The following KRT80 variants were observed in gnomAD, a reference collection of about 807,000 sequenced individuals.
KRT80 encodes keratin 80.
KRT80 carries 36 observed loss-of-function variants against 51.5 expected under a neutral mutation model. That is an observed-to-expected ratio of 0.70 (90% confidence interval 0.54 to 0.92). The LOEUF (loss-of-function observed/expected upper bound fraction) is 0.92. Ranked by LOEUF, KRT80 falls within the 40% of genes least tolerant of loss-of-function variation. KRT80 has a pLI of 0.00. For synonymous variants in KRT80, 235 were observed against 248.3 expected, an observed-to-expected ratio of 0.95 and a Z score of 0.50; for missense variants, 566 against 591.7, an observed-to-expected ratio of 0.96 and a Z score of 0.45.
At chr12:52,171,594 G>A (rs781557498) in intron 8 of KRT80, 64 bp downstream of exon 8, 54 of 1,610,984 alleles carry the variant, frequency 3.4e-5, no homozygotes, top group Non-Finnish European at 4.2e-5. Flanking sequence ...GATGCCTTTA[G>A]GATCATGATC....
chr12:52,172,559 G>C (rs969832161), intron 6 of KRT80, 141 bp from the exon 7 acceptor site: 1 of 738,524 alleles, frequency 1.4e-6, no homozygotes, highest in Non-Finnish European at 2.2e-6. Context: ...TGTGGTAACT[G>C]GTTGCCATGC....
chr12:52,172,452 G>A, intron 6 of KRT80, 34 bp from the exon 7 acceptor site: 2 of 1,583,132 alleles, frequency 1.3e-6, no homozygotes, highest in Non-Finnish European at 1.7e-6. Flanking sequence ...AAGGGCCTGT[G>A]AGCAGGGGAA....
chr12:52,185,163 G>T (rs1308257171), intron 2 of KRT80, among the ~76,000 whole-genome samples: 1 of 152,218 alleles, frequency 6.6e-6, no homozygotes, highest in Non-Finnish European at 1.5e-5. Flanking sequence ...TTTGTTTTAA[G>T]GGTTGCTATT....
At chr12:52,184,844 C>T (rs923806962) in intron 2 of KRT80, among the ~76,000 whole-genome samples, 5 of 152,228 alleles carry the variant, frequency 3.3e-5, no homozygotes, top group African/African-American at 1.2e-4. Context: ...TCCAAGTCTA[C>T]CTTGATGTCT....
intron 1 of KRT80, among the ~76,000 whole-genome samples, chr12:52,191,071 C>T (rs1289588440): frequency 6.6e-6 from 1 of 152,212 alleles, no homozygotes; most frequent in Non-Finnish European, 1.5e-5. Flanking sequence ...TGCACCCTCA[C>T]TTGCAGCAGT....
intron 2 of KRT80, among the ~76,000 whole-genome samples, chr12:52,185,088 G>A (rs759383748): frequency 6.6e-5 from 10 of 152,202 alleles, no homozygotes; most frequent in Non-Finnish European, 1.3e-4. Flanking sequence ...CAGGGGGTGC[G>A]GGTTATGATG....
intron 7 of KRT80, 91 bp downstream of exon 7, chr12:52,172,107 A>G: frequency 7.1e-7 from 1 of 1,407,602 alleles, no homozygotes; most frequent in South Asian, 1.3e-5. Flanking sequence ...GGCTCACTGT[A>G]TCATATTGGA....
intron 1 of KRT80, among the ~76,000 whole-genome samples, chr12:52,189,766 G>A (rs1283604641): frequency 1.3e-5 from 2 of 152,232 alleles, no homozygotes; most frequent in East Asian, 3.9e-4. Flanking sequence ...CCATCTCAAG[G>A]TCAAGGCTAA....
chr12:52,172,093 G>T (rs1474946824), intron 7 of KRT80, 105 bp downstream of exon 7: 11 of 1,271,146 alleles, frequency 8.7e-6, no homozygotes, highest in Non-Finnish European at 1.2e-5. Flanking sequence ...ACCCAGGCCT[G>T]GTAGGCTCAC....
rs1941166656 is a variant in KRT80, at chr12:52,173,807, G to T, written c.667-43C>A. The T allele has an allele frequency of 2.5e-6, 4 of 1,588,320 alleles. No homozygotes were observed. The African/African-American group carries it at 4.0e-5, about 16-fold the overall frequency. Reference sequence around the variant, plus strand: ...TGGGGGCTCAGGGCTGGTGGGGAGGGCACAAGGACCCTCAGCCCCACACAG... The same window carrying T: ...TGGGGGCTCAGGGCTGGTGGGGAGGTCACAAGGACCCTCAGCCCCACACAG... On this transcript the variant is annotated intron_variant, in intron 4 of 8. Coordinates refer to ENST00000394815, the MANE Select transcript of KRT80 (RefSeq NM_182507.3).
chr12:52,175,095 C>T (rs560577441), intron 4 of KRT80, among the ~76,000 whole-genome samples: 1 of 152,330 alleles, frequency 6.6e-6, no homozygotes, highest in Middle Eastern at 3.4e-3. Context: ...AGTCTGCATT[C>T]CCATTTTGCT....
intron 4 of KRT80, among the ~76,000 whole-genome samples, chr12:52,178,320 C>T (rs1409312853): frequency 2.6e-5 from 4 of 152,240 alleles, no homozygotes; most frequent in East Asian, 3.8e-4. Flanking sequence ...AGGTCCAAGT[C>T]GTGAGACAAC....
intron 3 of KRT80, 133 bp from the exon 4 acceptor site, chr12:52,180,741 G>T (rs1226683487): frequency 6.3e-7 from 1 of 1,591,180 alleles, no homozygotes; most frequent in African/African-American, 1.3e-5. Flanking sequence ...CCTCGAAAAA[G>T]GAGCTGGATG....
At chr12:52,180,386 G>C in intron 4 of KRT80, 127 bp downstream of exon 4, 1 of 563,254 alleles carries the variant, frequency 1.8e-6, no homozygotes, top group Non-Finnish European at 3.0e-6. Flanking sequence ...TATTATTCTG[G>C]GGCTGGAAAT....
intron 2 of KRT80, among the ~76,000 whole-genome samples, chr12:52,183,067 G>A (rs539826358): frequency 2.6e-5 from 4 of 152,318 alleles, no homozygotes; most frequent in Non-Finnish European, 4.4e-5. Context: ...CTTGTGCAGC[G>A]CACAGTTTGC....
intron 2 of KRT80, among the ~76,000 whole-genome samples, chr12:52,184,363 G>A (rs1941369904): frequency 6.6e-6 from 1 of 152,152 alleles, no homozygotes; most frequent in Admixed American, 6.5e-5. Flanking sequence ...CTGAAGCCCT[G>A]CCCACTACCT....
rs180984543 is a variant in KRT80, at chr12:52,191,933, G to A, written c.-31C>T. On this transcript the variant is annotated 5_prime_UTR_variant, in exon 1 of 9. Coordinates refer to ENST00000394815, the MANE Select transcript of KRT80 (RefSeq NM_182507.3). ...CCCCGGCCGGAAGCAGGAGGGCCCA[G>A]GGGGGTGAGCGAGTGAGCCTGGGGT... 25 of 1,440,364 alleles carry A rather than the reference G, an allele frequency of 1.7e-5. No individual in the cohort carries two copies. Among genetic ancestry groups the A allele is most frequent in the East Asian group, 1.0e-4 (4 of 39,892 alleles). 89.2% of individuals were successfully genotyped at this position (1,440,364 alleles called of 1,614,324 possible). A position where few individuals can be genotyped will look rare whatever the true frequency, so the allele number is the denominator to read the frequency against.
intron 4 of KRT80, among the ~76,000 whole-genome samples, chr12:52,174,237 G>T (rs1941178216): frequency 6.6e-6 from 1 of 152,206 alleles, no homozygotes; most frequent in Non-Finnish European, 1.5e-5. Context: ...GCAGAGCTGT[G>T]TTCATCTCTG....
At chr12:52,174,687 G>A (rs1301490268) in intron 4 of KRT80, among the ~76,000 whole-genome samples, 1 of 152,256 alleles carries the variant, frequency 6.6e-6, no homozygotes, top group African/African-American at 2.4e-5. Flanking sequence ...GGCAGGGTGG[G>A]CCCCGGAGCC....
Sources: gnomAD v4.1 joint callset for allele counts (sites outside exome capture counted in the v4.1 genomes callset) on GRCh38, gnomAD v4.1.1 for gene constraint, MANE v1.5 for transcripts, NCBI Gene and HGNC (gene_info 2026-07-23, HGNC 2026-07-21) for gene names.